CNTN6: variants seen among roughly 807,000 people sequenced by gnomAD.
CNTN6 encodes contactin 6, also known as contactin-6.
A neutral mutation model predicts 122.8 loss-of-function variants in CNTN6; 137 were observed. The observed-to-expected ratio is 1.12, with a 90% CI of 0.97 to 1.29. The LOEUF (loss-of-function observed/expected upper bound fraction) is 1.29. CNTN6 is among the 50% of genes most tolerant of loss of function. The probability of loss-of-function intolerance (pLI) is 0.00; values close to 1 mark genes in which losing one functional copy is unlikely to be tolerated. For missense variants in CNTN6, 1,634 were observed against 1,223.4 expected (o/e 1.34, Z -5.01); for synonymous variants, 570 against 426.0 (o/e 1.34, Z -4.16).
At chr3:1,254,382 T>G (rs897528268) in intron 4 of CNTN6, among the ~76,000 whole-genome samples, 1 of 152,232 alleles carries the variant, frequency 6.6e-6, no homozygotes, top group African/African-American at 2.4e-5. Flanking sequence ...TTTACTTATT[T>G]TAAATGTTGT....
intron 11 of CNTN6, among the ~76,000 whole-genome samples, chr3:1,332,793 A>G (rs540545235): frequency 1.3e-5 from 2 of 152,060 alleles, no homozygotes; most frequent in African/African-American, 2.4e-5. Context: ...GTTCAGGCCC[A>G]AGGTTGATTA....
intron 1 of CNTN6, among the ~76,000 whole-genome samples, chr3:1,096,379 T>C (rs73103465): frequency 0.046 from 7,019 of 152,206 alleles, 567 homozygotes; most frequent in African/African-American, 0.16. Context: ...ATTTTAGGAT[T>C]TGTTGTACTA....
intron 5 of CNTN6, among the ~76,000 whole-genome samples, chr3:1,282,437 G>GAA (rs1366973559): frequency 1.3e-5 from 2 of 152,188 alleles, no homozygotes; most frequent in Non-Finnish European, 2.9e-5. Flanking sequence ...TCAAAATGTG[G>GAA]AAGCAGAATA....
At chr3:1,245,120 T>G (rs13315256) in intron 4 of CNTN6, among the ~76,000 whole-genome samples, 47,321 of 104,116 alleles carry the variant, frequency 0.45, 13,654 homozygotes, top group East Asian at 0.93. Context: ...CGTGTTTATA[T>G]TAGCACAATT....
intron 11 of CNTN6, among the ~76,000 whole-genome samples, chr3:1,346,412 G>GTGAGT (rs761626611): frequency 7.2e-5 from 11 of 152,124 alleles, no homozygotes; most frequent in Non-Finnish European, 1.5e-4. Flanking sequence ...TCTGGGTTGA[G>GTGAGT]TGAGTTCTTG....
intron 1 of CNTN6, among the ~76,000 whole-genome samples, chr3:1,125,449 G>A (rs937463328): frequency 2.6e-5 from 4 of 151,746 alleles, no homozygotes; most frequent in Non-Finnish European, 5.9e-5. Context: ...GGAATTGCTG[G>A]TGTTCCCTGG....
intron 1 of CNTN6, among the ~76,000 whole-genome samples, chr3:1,146,791 A>T (rs1015630654): frequency 1.1e-4 from 17 of 152,150 alleles, no homozygotes; most frequent in African/African-American, 3.9e-4. Flanking sequence ...GAATGAATAG[A>T]TATAACATAT....
chr3:1,301,224 G>A (rs139574835), intron 7 of CNTN6, among the ~76,000 whole-genome samples: 4,594 of 151,700 alleles, frequency 0.03, 80 homozygotes, highest in South Asian at 0.057. Context: ...TATAGTAGAG[G>A]CGGAGTTTCA....
At chr3:1,343,460 C>T (rs913239933) in intron 11 of CNTN6, among the ~76,000 whole-genome samples, 2 of 152,090 alleles carry the variant, frequency 1.3e-5, no homozygotes, top group Non-Finnish European at 2.9e-5. Context: ...AAAGTTTATA[C>T]TCCTTATTTA....
intron 12 of CNTN6, among the ~76,000 whole-genome samples, chr3:1,363,675 A>T (rs973487120): frequency 1.3e-5 from 2 of 151,958 alleles, no homozygotes; most frequent in African/African-American, 4.8e-5. Context: ...GATGGACACT[A>T]GGTGATCTCC....
At chr3:1,376,463 G>C (rs2126154069) in intron 16 of CNTN6, among the ~76,000 whole-genome samples, 1 of 152,204 alleles carries the variant, frequency 6.6e-6, no homozygotes, top group South Asian at 2.1e-4. Context: ...TGAAAAGTTA[G>C]AAGAAAATCC....
chr3:1,332,300 C>T (rs1702400493), intron 11 of CNTN6, among the ~76,000 whole-genome samples: 1 of 151,936 alleles, frequency 6.6e-6, no homozygotes, highest in Non-Finnish European at 1.5e-5. Context: ...TCTAGCTTGT[C>T]CTTTCTTCTG....
At position 1,372,362 on chromosome 3, in the gene CNTN6, T is replaced by C. The variant is rs144724021; in HGVS notation, c.1556T>C (p.Leu519Pro). 6.2e-7 allele frequency: 1 copy of C among 1,613,488 alleles called. No homozygotes were observed. The highest frequency in any genetic ancestry group is 1.3e-5 in the African/African-American group (1 of 74,890). The change falls in exon 13 of 23, where the codon CTA (leucine) becomes CCA (proline). Residue 519 changes from leucine to proline, a missense_variant. Leu to Pro is a moderately conservative substitution (Grantham distance 98). Coordinates refer to ENST00000446702, the MANE Select transcript of CNTN6 (RefSeq NM_001289080.2). ...MDVTVGESIV[L>P]PCQVSHDPSI... ...GTTACAGTTGGCGAGAGTATAGTGC[T>C]ACCATGCCAGGTGTCCCATGACCCC...
chr3:1,204,416 A>C (rs1018581271), intron 2 of CNTN6, among the ~76,000 whole-genome samples: 1 of 152,230 alleles, frequency 6.6e-6, no homozygotes, highest in African/African-American at 2.4e-5. Context: ...CAAAAGAAAG[A>C]ATCTGAGTTT....
chr3:1,196,452 GA>G (rs1312617980), intron 2 of CNTN6, among the ~76,000 whole-genome samples: 1 of 152,172 alleles, frequency 6.6e-6, no homozygotes, highest in African/African-American at 2.4e-5. Context: ...AAGAAGAAGA[GA>G]TTTTTTTGTT....
chr3:1,353,877 A>G (rs1387353269), intron 12 of CNTN6, among the ~76,000 whole-genome samples: 1 of 151,608 alleles, frequency 6.6e-6, no homozygotes, highest in African/African-American at 2.4e-5. Context: ...TAGAAGGGAT[A>G]GAAAACATCA....
chr3:1,346,726 A>G (rs1704764878), intron 11 of CNTN6, among the ~76,000 whole-genome samples: 1 of 152,100 alleles, frequency 6.6e-6, no homozygotes, highest in Non-Finnish European at 1.5e-5. Flanking sequence ...TAAATGGACT[A>G]AGACACCGGA....
At chr3:1,163,054 C>A (rs73105146) in intron 2 of CNTN6, among the ~76,000 whole-genome samples, 5,577 of 152,236 alleles carry the variant, frequency 0.037, 289 homozygotes, top group African/African-American at 0.12. Context: ...GGAGATCACA[C>A]CATCCTTTCC....
At chr3:1,269,895 CT>C (rs1413535480) in intron 4 of CNTN6, among the ~76,000 whole-genome samples, 1 of 152,076 alleles carries the variant, frequency 6.6e-6, no homozygotes, top group East Asian at 1.9e-4. Flanking sequence ...TACGAAAATT[CT>C]TTTACACCCC....
Sources: gnomAD v4.1 joint callset for allele counts (sites outside exome capture counted in the v4.1 genomes callset) on GRCh38, gnomAD v4.1.1 for gene constraint, MANE v1.5 for transcripts, NCBI Gene and HGNC (gene_info 2026-07-23, HGNC 2026-07-21) for gene names.